EDC3: variants seen among roughly 807,000 people sequenced by gnomAD.
EDC3 encodes enhancer of mRNA decapping 3.
EDC3 carries 20 observed loss-of-function variants against 41.8 expected under a neutral mutation model. The observed-to-expected ratio is 0.48, with a 90% CI of 0.34 to 0.70. The LOEUF is 0.70. EDC3 is among the 30% of genes least tolerant of loss of function. EDC3 has a pLI of 0.01. For missense variants in EDC3, 444 were observed against 636.8 expected (o/e 0.70, Z 3.26); for synonymous variants, 206 against 243.2 (o/e 0.85, Z 1.42).
Position 74,680,405 on chromosome 15 carries a change from A to T in EDC3, c.-18-5263T>A, listed in dbSNP as rs567652677. On this transcript the variant is annotated intron_variant, in intron 1 of 6. Coordinates refer to ENST00000315127, the MANE Select transcript of EDC3 (RefSeq NM_025083.5). The stretch of plus-strand genomic sequence containing the variant: ...CTAAATAAGAAAAACACATGTTCAT[A>T]GCAACTGACACAGAAATGCATTTGA... Among the ~76,000 whole-genome samples, 3 of 152,300 alleles carry T rather than the reference A, an allele frequency of 2.0e-5. No individual in the cohort carries two copies. In the South Asian group the frequency reaches 6.2e-4, roughly 32 times the overall value.
intron 2 of EDC3, among the ~76,000 whole-genome samples, chr15:74,673,326 A>G (rs899533598): frequency 1.3e-5 from 2 of 152,332 alleles, no homozygotes; most frequent in South Asian, 4.1e-4. Flanking sequence ...CACGAGGATT[A>G]AAGAGAAAGA....
chr15:74,673,170 T>C (rs757943344), intron 2 of EDC3, among the ~76,000 whole-genome samples: 6 of 151,832 alleles, frequency 4.0e-5, no homozygotes, highest in Non-Finnish European at 7.4e-5. Context: ...CTGGTGGCTA[T>C]AGGGAAGGAG....
intron 1 of EDC3, among the ~76,000 whole-genome samples, chr15:74,693,688 G>A (rs564831541): frequency 6.6e-6 from 1 of 152,010 alleles, no homozygotes; most frequent in Non-Finnish European, 1.5e-5. Flanking sequence ...CTCAGTTATA[G>A]TAAGACTCAG....
At chr15:74,682,828 G>A (rs2062889729) in intron 1 of EDC3, among the ~76,000 whole-genome samples, 1 of 151,710 alleles carries the variant, frequency 6.6e-6, no homozygotes, top group Non-Finnish European at 1.5e-5. Flanking sequence ...TTCGAGACCA[G>A]CCTGACCAGC....
At position 74,674,941 on chromosome 15, in the gene EDC3, GAGTC is replaced by G. The variant is rs1374432418; in HGVS notation, c.164+16_164+19del. On this transcript the variant is annotated intron_variant, in intron 2 of 6. Coordinates refer to ENST00000315127, the MANE Select transcript of EDC3 (RefSeq NM_025083.5). ...ACAGACCACCAGGTTGGATTCAGAA[GAGTC>G]AGTCAGGACACTCACCTGAAGGTGA... is the stretch of plus-strand genomic sequence containing the variant. 5 of 1,613,580 alleles carry G rather than the reference GAGTC, an allele frequency of 3.1e-6. No homozygotes were observed. The Admixed American group carries it at 5.0e-5, about 16-fold the overall frequency.
chr15:74,689,725 C>T (rs1221295357), intron 1 of EDC3, among the ~76,000 whole-genome samples: 2 of 152,056 alleles, frequency 1.3e-5, no homozygotes, highest in African/African-American at 2.4e-5. Context: ...GGGGTTTCAC[C>T]GTGTTAGCCA....
rs559457733 is a variant in EDC3 at position 74,684,529 on chromosome 15, G to A, written c.-18-9387C>T. On this transcript the variant is annotated intron_variant, in intron 1 of 6. Coordinates refer to ENST00000315127, the MANE Select transcript of EDC3 (RefSeq NM_025083.5). ...GGGTTGAAATAAATGCTTTCCCCAAGTACTGAGGATGAGGCAAGGATGTCC... is the reference window on the plus strand; with the variant it reads ...GGGTTGAAATAAATGCTTTCCCCAAATACTGAGGATGAGGCAAGGATGTCC... Among the ~76,000 whole-genome samples, 70 of 140,954 alleles carry A rather than the reference G, an allele frequency of 5.0e-4. 1 individual carries two copies. The highest frequency in any genetic ancestry group is 1.7e-3 in the African/African-American group (66 of 37,988). The allele number at this position is 140,954 out of a possible 152,430, so 92.5% of individuals were successfully genotyped here.
intron 1 of EDC3, among the ~76,000 whole-genome samples, chr15:74,682,434 C>T (rs1459234872): frequency 2.0e-5 from 3 of 151,528 alleles, no homozygotes; most frequent in Admixed American, 1.3e-4. Flanking sequence ...CTGGCTAACA[C>T]GGTGAAACCC....
intron 1 of EDC3, among the ~76,000 whole-genome samples, chr15:74,683,473 C>G (rs1177756681): frequency 6.6e-6 from 1 of 152,070 alleles, no homozygotes; most frequent in African/African-American, 2.4e-5. Context: ...AGGCGGAGGT[C>G]GCAGTGAGCT....
Position 74,671,678 on chromosome 15 carries a change from A to G in EDC3, c.261T>C (p.Ser87=). The change falls in exon 3 of 7, where the codon TCT becomes TCC. Residue 87 remains serine, a synonymous_variant. Transcript: ENST00000315127. The surrounding 1 kb of genome is among the most constrained non-coding windows in gnomAD (Gnocchi z 4.6). ...TGATGCCCACTTGGCAGCCAGCACC[A>G]GAGGGGCCTAATTCTGTTTGATGAA... is the stretch of plus-strand genomic sequence containing the variant. ...GDLHQTELGP[S]GAGCQVGINQ... is the part of the protein sequence containing the mutation. The G allele has an allele frequency of 6.2e-7, 1 of 1,614,186 alleles. No individual in the cohort carries two copies. The highest frequency in any genetic ancestry group is 1.3e-5 in the African/African-American group (1 of 75,062).
intron 3 of EDC3, among the ~76,000 whole-genome samples, chr15:74,664,138 C>G (rs2062652834): frequency 6.6e-6 from 1 of 152,190 alleles, no homozygotes; most frequent in Non-Finnish European, 1.5e-5. Context: ...CATCACAGGT[C>G]AGTAAGAGAA....
chr15:74,674,521 ATAATGGTAGGG>A (rs1440836585), intron 2 of EDC3, among the ~76,000 whole-genome samples: 1 of 152,220 alleles, frequency 6.6e-6, no homozygotes, highest in Admixed American at 6.5e-5. Context: ...AGAAAAAAAG[ATAATGGTAGGG>A]TACGGAGGTT....
intron 4 of EDC3, among the ~76,000 whole-genome samples, chr15:74,654,975 G>C (rs1395687817): frequency 6.6e-6 from 1 of 152,096 alleles, no homozygotes; most frequent in Non-Finnish European, 1.5e-5. Context: ...TTAGCTCTTA[G>C]GATCATTCAA....
At chr15:74,676,718 A>G (rs2062810516) in intron 1 of EDC3, among the ~76,000 whole-genome samples, 1 of 152,218 alleles carries the variant, frequency 6.6e-6, no homozygotes, top group African/African-American at 2.4e-5. Flanking sequence ...ATATTTGTGA[A>G]AGACATATTT....
intron 4 of EDC3, among the ~76,000 whole-genome samples, chr15:74,645,899 G>T (rs185144242): frequency 6.6e-6 from 1 of 152,056 alleles, no homozygotes; most frequent in East Asian, 1.9e-4. Flanking sequence ...AAGGAAAAAG[G>T]GAAACAAAGT....
intron 4 of EDC3, among the ~76,000 whole-genome samples, chr15:74,654,104 T>A (rs1032159841): frequency 6.6e-6 from 1 of 152,008 alleles, no homozygotes; most frequent in African/African-American, 2.4e-5. Context: ...TACAAAAAAA[T>A]TAGCCAGGCA....
At position 74,674,886 on chromosome 15, in the gene EDC3, T is replaced by C. The variant is rs2062784090; in HGVS notation, c.164+75A>G. The C allele has an allele frequency of 6.5e-6, 10 of 1,545,930 alleles. No homozygotes were observed. In the Admixed American group the frequency reaches 6.7e-5, roughly 10 times the overall value. ...AAAAAGCGGCCATATGCCAAGAGAA[T>C]ACTAGCAATCAGACCTAGGTTCAAG... On this transcript the variant is annotated intron_variant, in intron 2 of 6. Transcript: ENST00000315127.
chr15:74,649,284 G>A (rs1467796455), intron 4 of EDC3, among the ~76,000 whole-genome samples: 2 of 151,628 alleles, frequency 1.3e-5, no homozygotes, highest in African/African-American at 4.8e-5. Context: ...TTAGCACCCT[G>A]GCTAATTTTT....
chr15:74,665,131 C>T lies in EDC3; in HGVS notation c.484+6324G>A, dbSNP rs567893052. 1.6e-4 allele frequency among the ~76,000 whole-genome samples: 25 copies of T among 152,338 alleles called. No homozygotes were observed. The South Asian group carries it at 3.7e-3, about 23-fold the overall frequency. On this transcript the variant is annotated intron_variant, in intron 3 of 6. Transcript: ENST00000315127. ...CTCCACCTCCCGGGTTCAAGCAATT[C>T]TCCCTGCCTCAGCCTCCCAAGTAGT...
Sources: allele counts gnomAD v4.1 joint callset (sites outside exome capture counted in the v4.1 genomes callset), GRCh38; gene constraint gnomAD v4.1.1; non-coding constraint Gnocchi (gnomAD v3.1); transcripts MANE v1.5; gene names NCBI Gene and HGNC (gene_info 2026-07-23, HGNC 2026-07-21).